The following STX6 variants were observed in gnomAD, a reference collection of about 807,000 sequenced individuals.
STX6 encodes syntaxin 6.
STX6 carries 23 observed loss-of-function variants against 38.0 expected under a neutral mutation model. That is an observed-to-expected ratio of 0.60 (90% CI 0.43 to 0.86). The LOEUF is 0.86. Among genes scored for constraint, STX6 ranks in the 40% least tolerant of loss-of-function variants. The pLI is 0.00. For missense variants in STX6, 274 were observed against 312.9 expected, an observed-to-expected ratio of 0.88 and a Z score of 0.94; for synonymous variants, 123 against 107.5, an observed-to-expected ratio of 1.14 and a Z score of -0.89.
intron 7 of STX6, 136 bp downstream of exon 7, chr1:180,984,541 T>A: frequency 2.3e-6 from 1 of 436,914 alleles, no homozygotes; most frequent in Non-Finnish European, 4.2e-6. Context: ...AGAGTGAGAC[T>A]CTGTCTCAAA....
chr1:181,002,465 T>G, intron 3 of STX6, 141 bp downstream of exon 3: 1 of 553,232 alleles, frequency 1.8e-6, no homozygotes, highest in East Asian at 3.4e-5. Context: ...ATCAGAGAAA[T>G]TATATATGGG....
intron 6 of STX6, among the ~76,000 whole-genome samples, chr1:180,985,105 T>C (rs943877525): frequency 1.3e-5 from 2 of 151,702 alleles, no homozygotes; most frequent in Non-Finnish European, 2.9e-5. Context: ...TCAGTTCAGG[T>C]AAGGTTTTTC....
rs981969546 is a variant in STX6, at chr1:180,974,120, G to C, written c.*2450C>G. 5 of 152,204 alleles carry C rather than the reference G, an allele frequency of 3.3e-5. No homozygotes were observed. Among genetic ancestry groups the C allele is most frequent in the African/African-American group, 1.2e-4 (5 of 41,444 alleles). 9.4% of individuals were successfully genotyped at this position (152,204 alleles called of 1,614,324 possible). ...ATATTTGTCCTTAAAAATAAATGTA[G>C]GTTCCCTGGATTGTTCTCTTTGGCT... On this transcript the variant is annotated 3_prime_UTR_variant, in exon 8 of 8. Transcript: ENST00000258301.
intron 1 of STX6, among the ~76,000 whole-genome samples, chr1:181,011,115 A>T (rs1571351013): frequency 1.3e-5 from 2 of 152,378 alleles, no homozygotes; most frequent in South Asian, 2.1e-4. Context: ...AACTTGGCTT[A>T]TTCCATTCTA....
intron 3 of STX6, among the ~76,000 whole-genome samples, chr1:180,997,763 A>G (rs1655954424): frequency 6.6e-6 from 1 of 152,248 alleles, no homozygotes; most frequent in Admixed American, 6.5e-5. Flanking sequence ...TGTCATTGTA[A>G]GACTATGTCC....
chr1:181,005,760 T>C (rs1656206491), intron 1 of STX6, among the ~76,000 whole-genome samples: 1 of 152,226 alleles, frequency 6.6e-6, no homozygotes, highest in Admixed American at 6.5e-5. Context: ...AAAAGTATAA[T>C]GAAGCAATCC....
At chr1:180,995,968 A>G (rs1022086125) in intron 3 of STX6, among the ~76,000 whole-genome samples, 3 of 152,094 alleles carry the variant, frequency 2.0e-5, no homozygotes, top group Non-Finnish European at 4.4e-5. Context: ...TCAGTTTATA[A>G]ATTTATTAAG....
At chr1:181,016,373 T>A (rs1656555426) in intron 1 of STX6, among the ~76,000 whole-genome samples, 1 of 152,152 alleles carries the variant, frequency 6.6e-6, no homozygotes, top group Non-Finnish European at 1.5e-5. Flanking sequence ...CTCCACAGCA[T>A]CTCAACTCTA....
At chr1:180,977,296 G>C (rs898150958) in intron 7 of STX6, among the ~76,000 whole-genome samples, 1 of 152,226 alleles carries the variant, frequency 6.6e-6, no homozygotes, top group Non-Finnish European at 1.5e-5. Context: ...AGCAGGCACA[G>C]GAAACAACTT....
chr1:181,002,666 A>G lies in STX6; in HGVS notation c.240T>C (p.Leu80=), dbSNP rs759822187. 4.6e-5 allele frequency: 74 copies of G among 1,613,562 alleles called. No individual in the cohort carries two copies. Among genetic ancestry groups the G allele is most frequent in the East Asian group, 1.1e-4 (5 of 44,876 alleles). ...IVEANPRKFN[L]DATELSIRKA... ...TTCTTATACTCAATTCAGTTGCATC[A>G]AGGTTAAATTTTCTAGGATTTGCTT... Residue 80 remains leucine, a synonymous_variant, in exon 3 of 8, where the codon CTT becomes CTC. Transcript: ENST00000258301.
chr1:180,980,064 G>A (rs1377307039), intron 7 of STX6, among the ~76,000 whole-genome samples: 1 of 152,060 alleles, frequency 6.6e-6, no homozygotes, highest in Non-Finnish European at 1.5e-5. Flanking sequence ...AAAATTAGCT[G>A]GGCGTGGTGG....
At position 181,017,494 on chromosome 1, in the gene STX6, T is replaced by C. The variant is rs576634820; in HGVS notation, c.35+5145A>G. 3.9e-5 allele frequency among the ~76,000 whole-genome samples: 6 copies of C among 152,332 alleles called. No individual in the cohort carries two copies. The South Asian group carries it at 1.0e-3, about 26-fold the overall frequency. ...AGAGCCATGGTATTTGTACCTTTTA[T>C]CCACAGGAGTGGCTCACTTATACTC... On this transcript the variant is annotated intron_variant, in intron 1 of 7. Transcript: ENST00000258301.
Position 180,984,838 on chromosome 1 carries a change from T to C in STX6, c.597-67A>G, listed in dbSNP as rs540613848. ...GCCTTGGCAGTGCACTTGCACTGGG[T>C]TAAAAGGACCAGGCCTCCATTTTAG... is the stretch of plus-strand genomic sequence containing the variant. On this transcript the variant is annotated intron_variant, in intron 6 of 7. Transcript: ENST00000258301. 2.1e-5 allele frequency: 14 copies of C among 665,004 alleles called. No individual in the cohort carries two copies. In the South Asian group the frequency reaches 2.6e-4, roughly 12 times the overall value. The allele number at this position is 665,004 out of a possible 1,614,324, so 41.2% of individuals were successfully genotyped here.
chr1:180,994,035 G>A (rs1482763397), intron 3 of STX6, among the ~76,000 whole-genome samples: 1 of 152,186 alleles, frequency 6.6e-6, no homozygotes, highest in Non-Finnish European at 1.5e-5. Flanking sequence ...TAACATCAGA[G>A]TGAATTTCCA....
At chr1:180,995,667 G>A (rs951201063) in intron 3 of STX6, among the ~76,000 whole-genome samples, 4 of 152,206 alleles carry the variant, frequency 2.6e-5, no homozygotes, top group Non-Finnish European at 4.4e-5. Context: ...ACCAGCCTGG[G>A]CAACATAGCA....
At chr1:181,017,121 T>A (rs1005876334) in intron 1 of STX6, among the ~76,000 whole-genome samples, 1 of 147,596 alleles carries the variant, frequency 6.8e-6, no homozygotes, top group Non-Finnish European at 1.5e-5. Context: ...GCGCAGTGGC[T>A]CATGCCTGTA....
chr1:181,002,175 A>C (rs886261025), intron 3 of STX6, among the ~76,000 whole-genome samples: 1 of 151,840 alleles, frequency 6.6e-6, no homozygotes, highest in Non-Finnish European at 1.5e-5. Context: ...CTTTTTCTTC[A>C]ATCACGGAAA....
chr1:180,991,048 A>T (rs886466186), intron 4 of STX6, among the ~76,000 whole-genome samples: 2 of 152,170 alleles, frequency 1.3e-5, no homozygotes, highest in East Asian at 3.8e-4. Flanking sequence ...CCTATCGGGT[A>T]ATTTAAAAAA....
chr1:180,997,014 TTAAA>T (rs1302692749), intron 3 of STX6, among the ~76,000 whole-genome samples: 10 of 152,184 alleles, frequency 6.6e-5, no homozygotes, highest in African/African-American at 2.4e-4. Context: ...AGGTCAATGA[TTAAA>T]TAAATCATAA....
Sources: gnomAD v4.1 joint callset for allele counts (sites outside exome capture counted in the v4.1 genomes callset) on GRCh38, gnomAD v4.1.1 for gene constraint, MANE v1.5 for transcripts, NCBI Gene and HGNC (gene_info 2026-07-23, HGNC 2026-07-21) for gene names.